Variants in RBFOX1 observed in about 807,000 individuals in gnomAD.
RBFOX1 encodes RNA binding fox-1 homolog 1.
Under a neutral mutation model 57.7 loss-of-function variants are expected in RBFOX1, and 8 were observed. The ratio of observed to expected loss-of-function variants is 0.14; its 90% CI spans 0.08 to 0.25. RBFOX1 has a LOEUF of 0.25. Ranked by LOEUF, RBFOX1 falls within the 10% of genes least tolerant of loss-of-function variation. The pLI, the probability that RBFOX1 is intolerant of heterozygous loss-of-function variation, is 1.00. For missense variants in RBFOX1, 611 were observed against 548.5 expected, an observed-to-expected ratio of 1.11 and a Z score of -1.14; for synonymous variants, 326 against 222.4, an observed-to-expected ratio of 1.47 and a Z score of -4.15.
intron 2 of RBFOX1, among the ~76,000 whole-genome samples, chr16:6,607,380 C>G (rs1567859321): frequency 6.6e-6 from 1 of 152,006 alleles, no homozygotes; most frequent in Non-Finnish European, 1.5e-5. Flanking sequence ...TGACCAATTT[C>G]CAGTTATCAT....
chr16:7,003,020 T>C (rs1318932100), intron 3 of RBFOX1, among the ~76,000 whole-genome samples: 1 of 148,892 alleles, frequency 6.7e-6, no homozygotes, highest in Non-Finnish European at 1.5e-5. Flanking sequence ...GTGGTCTTTT[T>C]TTTTCTTCTT....
At chr16:7,324,348 G>T (rs1425474363) in intron 4 of RBFOX1, among the ~76,000 whole-genome samples, 1 of 152,076 alleles carries the variant, frequency 6.6e-6, no homozygotes, top group Non-Finnish European at 1.5e-5. Flanking sequence ...GTTAGGAGTG[G>T]CCTCTGTGTC....
chr16:6,688,896 T>G (rs1360005310), intron 3 of RBFOX1, among the ~76,000 whole-genome samples: 4 of 152,208 alleles, frequency 2.6e-5, no homozygotes, highest in Admixed American at 6.5e-5. Flanking sequence ...TACTTGGTTT[T>G]CTGTTCCTGT....
At chr16:6,914,241 G>C (rs550158126) in intron 3 of RBFOX1, among the ~76,000 whole-genome samples, 1 of 152,294 alleles carries the variant, frequency 6.6e-6, no homozygotes, top group Admixed American at 6.5e-5. Context: ...TGGAATGTTT[G>C]CTGTGTATTG....
Position 6,413,202 on chromosome 16 carries a change from C to G in RBFOX1, c.-64+96145C>G, listed in dbSNP as rs1294548444. 5.3e-5 allele frequency among the ~76,000 whole-genome samples: 8 copies of G among 151,764 alleles called. No homozygotes were observed. In the East Asian group the frequency reaches 1.6e-3, roughly 29 times the overall value. On this transcript the variant is annotated intron_variant, in intron 2 of 15. Transcript: ENST00000550418. ...GGTGTGGTGGCACATGCCTGTAATCCCAGAGACTTGGGCGGCTGAGGCATG... is the reference window on the plus strand; with the variant it reads ...GGTGTGGTGGCACATGCCTGTAATCGCAGAGACTTGGGCGGCTGAGGCATG...
chr16:5,640,990 T>C (rs1195476621), intron 3 of RBFOX1, among the ~76,000 whole-genome samples: 1 of 148,708 alleles, frequency 6.7e-6, no homozygotes, highest in Non-Finnish European at 1.5e-5. Flanking sequence ...ATGCATATCA[T>C]GCATACATAT....
intron 4 of RBFOX1, among the ~76,000 whole-genome samples, chr16:5,949,312 G>T (rs912057298): frequency 6.6e-6 from 1 of 151,824 alleles, no homozygotes; most frequent in African/African-American, 2.4e-5. Flanking sequence ...CGATCACGAG[G>T]TCAGGAGATC....
intron 4 of RBFOX1, among the ~76,000 whole-genome samples, chr16:7,470,133 A>G (rs866449387): frequency 2.1e-4 from 32 of 152,226 alleles, no homozygotes; most frequent in African/African-American, 6.7e-4. Flanking sequence ...TGATTAGTGC[A>G]AATAATGTTG....
chr16:7,284,556 C>A (rs1172578401), intron 4 of RBFOX1, among the ~76,000 whole-genome samples: 1 of 152,132 alleles, frequency 6.6e-6, no homozygotes, highest in Non-Finnish European at 1.5e-5. Context: ...ATCTCGATCT[C>A]CTGGCCTCAA....
At chr16:6,557,362 G>T (rs8046169) in intron 2 of RBFOX1, among the ~76,000 whole-genome samples, 149,748 of 152,032 alleles carry the variant, frequency 0.98, 73,793 homozygotes, top group Middle Eastern at 1. Context: ...TAATTGCTAA[G>T]AATTATACTC....
intron 4 of RBFOX1, among the ~76,000 whole-genome samples, chr16:7,382,136 A>G (rs936865852): frequency 2.0e-5 from 3 of 152,182 alleles, no homozygotes; most frequent in African/African-American, 7.2e-5. Flanking sequence ...AGTAGGGACT[A>G]ATTACCTCTT....
intron 3 of RBFOX1, among the ~76,000 whole-genome samples, chr16:5,834,606 A>ATAGATAGG (rs1423983180): frequency 7.0e-6 from 1 of 143,650 alleles, no homozygotes; most frequent in African/African-American, 3.0e-5. Context: ...AGATAGATAG[A>ATAGATAGG]TAGATAGATA....
chr16:7,483,721 C>T (rs1177850556), intron 4 of RBFOX1, among the ~76,000 whole-genome samples: 1 of 152,134 alleles, frequency 6.6e-6, no homozygotes, highest in Non-Finnish European at 1.5e-5. Flanking sequence ...TTCAGCTACC[C>T]AAGACAACAG....
At chr16:7,626,773 A>C (rs116972588) in intron 10 of RBFOX1, among the ~76,000 whole-genome samples, 10 of 151,956 alleles carry the variant, frequency 6.6e-5, no homozygotes, top group Admixed American at 5.9e-4. Flanking sequence ...AGATTGGTTG[A>C]AAAAAAACAC....
intron 4 of RBFOX1, among the ~76,000 whole-genome samples, chr16:7,393,064 G>C (rs1448987698): frequency 6.6e-6 from 1 of 152,128 alleles, no homozygotes; most frequent in Non-Finnish European, 1.5e-5. Flanking sequence ...AGTAGAGACA[G>C]GGTTTCACCA....
chr16:6,052,676 C>T (rs1418929776), intron 1 of RBFOX1, among the ~76,000 whole-genome samples: 3 of 151,610 alleles, frequency 2.0e-5, no homozygotes, highest in Admixed American at 6.6e-5. Flanking sequence ...CCCAGCTACT[C>T]GGGAGGCTGA....
chr16:7,376,015 C>G (rs984490543), intron 4 of RBFOX1, among the ~76,000 whole-genome samples: 2 of 152,164 alleles, frequency 1.3e-5, no homozygotes, highest in African/African-American at 4.8e-5. Flanking sequence ...GGATCTTTTA[C>G]CAGACACTCA....
rs190453126 is a variant in RBFOX1, at chr16:5,823,598, T to G, written c.319-43705T>G. On this transcript the variant is annotated intron_variant, in intron 3 of 19. Transcript: ENST00000641259. ...CAAGTAAGTGAAGCTTCATCTTTAT[T>G]TACAGCCACTCCCCATCACTCACAT... is the stretch of plus-strand genomic sequence containing the variant. 1.5e-3 allele frequency among the ~76,000 whole-genome samples: 226 copies of G among 152,204 alleles called. 2 individuals carry two copies. The highest frequency in any genetic ancestry group is 5.1e-3 in the African/African-American group (212 of 41,532).
intron 4 of RBFOX1, among the ~76,000 whole-genome samples, chr16:7,435,226 G>T (rs1268545749): frequency 6.6e-6 from 1 of 151,960 alleles, no homozygotes; most frequent in African/African-American, 2.4e-5. Flanking sequence ...GACTCTGCTT[G>T]TATTTAACGA....
Sources: allele counts gnomAD v4.1 joint callset (sites outside exome capture counted in the v4.1 genomes callset), GRCh38; gene constraint gnomAD v4.1.1; transcripts MANE v1.5; gene names NCBI Gene and HGNC (gene_info 2026-07-23, HGNC 2026-07-21).